The following FBXW7 variants were observed in gnomAD, a reference collection of about 807,000 sequenced individuals.
The protein encoded by FBXW7 is F-box and WD repeat domain containing 7, also known as F-box/WD repeat-containing protein 7.
In FBXW7, 11 loss-of-function variants were observed where a neutral mutation model predicts 86.3. That is an observed-to-expected ratio of 0.13 (90% confidence interval 0.08 to 0.21). The LOEUF (loss-of-function observed/expected upper bound fraction) is 0.21, where lower values mean the gene tolerates loss of function less well. FBXW7 is among the 10% of genes least tolerant of loss of function. The pLI, the probability that FBXW7 is intolerant of heterozygous loss-of-function variation, is 1.00. For missense variants in FBXW7, 488 were observed against 847.4 expected, an observed-to-expected ratio of 0.58 and a Z score of 5.27; for synonymous variants, 313 against 297.9, an observed-to-expected ratio of 1.05 and a Z score of -0.52.
At chr4:152,355,651 T>C (rs940118414) in intron 4 of FBXW7, among the ~76,000 whole-genome samples, 17 of 152,142 alleles carry the variant, frequency 1.1e-4, no homozygotes, top group Admixed American at 1.0e-3. Flanking sequence ...GAAGCATTAT[T>C]GAAATTCCAT....
chr4:152,367,125 G>A (rs367769848), intron 4 of FBXW7, among the ~76,000 whole-genome samples: 11 of 152,094 alleles, frequency 7.2e-5, no homozygotes, highest in African/African-American at 1.4e-4. Flanking sequence ...GGGGCCTGTC[G>A]TGGGGTTGAG....
intron 2 of FBXW7, among the ~76,000 whole-genome samples, chr4:152,471,148 G>A (rs1027717567): frequency 7.3e-5 from 11 of 151,140 alleles, no homozygotes; most frequent in African/African-American, 2.7e-4. Context: ...ATCAAAATCA[G>A]TAAAATGAAT....
At chr4:152,531,948 A>G (rs1232365386) in intron 2 of FBXW7, among the ~76,000 whole-genome samples, 1 of 152,184 alleles carries the variant, frequency 6.6e-6, no homozygotes, top group Admixed American at 6.5e-5. Context: ...GCCATGTTTA[A>G]AGCCTGCTCA....
chr4:152,382,565 T>C (rs1349815507), intron 4 of FBXW7: 1 of 994,658 alleles, frequency 1.0e-6, no homozygotes, highest in African/African-American at 1.7e-5. Context: ...TATAAACTAC[T>C]GAAGTGAAAG....
intron 4 of FBXW7, among the ~76,000 whole-genome samples, chr4:152,401,197 G>A (rs528588877): frequency 2.0e-5 from 3 of 152,136 alleles, no homozygotes; most frequent in African/African-American, 4.8e-5. Flanking sequence ...TGGCATTTAC[G>A]CAAAGGAGTT....
chr4:152,485,992 A>G (rs1470025640), intron 2 of FBXW7, among the ~76,000 whole-genome samples: 2 of 152,230 alleles, frequency 1.3e-5, no homozygotes, highest in Non-Finnish European at 2.9e-5. Flanking sequence ...TACACGGTAT[A>G]GCCCATTGCT....
chr4:152,336,531 A>C (rs1192618551), intron 7 of FBXW7, among the ~76,000 whole-genome samples: 4 of 152,096 alleles, frequency 2.6e-5, no homozygotes, highest in African/African-American at 4.8e-5. Context: ...AATATATCAA[A>C]GGTGAATAAA....
intron 2 of FBXW7, among the ~76,000 whole-genome samples, chr4:152,500,851 C>A (rs1746878550): frequency 6.6e-6 from 1 of 152,180 alleles, no homozygotes; most frequent in South Asian, 2.1e-4. Context: ...AATTGCAATT[C>A]TGTTTCCTCA....
At chr4:152,450,406 T>G (rs1741805931) in intron 2 of FBXW7, among the ~76,000 whole-genome samples, 1 of 152,204 alleles carries the variant, frequency 6.6e-6, no homozygotes, top group African/African-American at 2.4e-5. Flanking sequence ...GCACATTATG[T>G]AGAATCTGAA....
chr4:152,434,394 A>G (rs1247428445), intron 2 of FBXW7, among the ~76,000 whole-genome samples: 1 of 152,234 alleles, frequency 6.6e-6, no homozygotes, highest in Non-Finnish European at 1.5e-5. Context: ...TTGGAAAGTG[A>G]GACGTGCAAT....
At chr4:152,480,669 T>A (rs963166479) in intron 2 of FBXW7, among the ~76,000 whole-genome samples, 1 of 152,146 alleles carries the variant, frequency 6.6e-6, no homozygotes, top group Non-Finnish European at 1.5e-5. Flanking sequence ...AGTGAACACA[T>A]GAATAATAGG....
intron 4 of FBXW7, among the ~76,000 whole-genome samples, chr4:152,400,208 G>C (rs1471008717): frequency 1.3e-5 from 2 of 152,080 alleles, no homozygotes; most frequent in Non-Finnish European, 1.5e-5. Context: ...TTCCGCAAAT[G>C]GTGCTGAACC....
intron 4 of FBXW7, among the ~76,000 whole-genome samples, chr4:152,406,031 C>A (rs919993076): frequency 2.6e-5 from 4 of 152,200 alleles, no homozygotes; most frequent in Non-Finnish European, 5.9e-5. Flanking sequence ...CAATATTCAT[C>A]ATGATCTATT....
intron 2 of FBXW7, among the ~76,000 whole-genome samples, chr4:152,497,037 C>T (rs1053652557): frequency 1.3e-5 from 2 of 151,970 alleles, no homozygotes; most frequent in East Asian, 1.9e-4. Flanking sequence ...AAAACCGACA[C>T]GAAGGCCGGG....
chr4:152,411,960 A>C, intron 3 of FBXW7, 88 bp from the exon 4 acceptor site: 1 of 1,237,690 alleles, frequency 8.1e-7, no homozygotes, highest in Non-Finnish European at 1.1e-6. Context: ...TCTAAATATC[A>C]TTAATGATTG....
At chr4:152,342,562 A>ATTAG (rs144558927) in intron 6 of FBXW7, among the ~76,000 whole-genome samples, 2,086 of 152,304 alleles carry the variant, frequency 0.014, 26 homozygotes, top group Middle Eastern at 0.037. Flanking sequence ...TTAGTGTCTC[A>ATTAG]ATTAGATAGA....
chr4:152,405,016 T>C (rs1398069250), intron 4 of FBXW7, among the ~76,000 whole-genome samples: 3 of 142,706 alleles, frequency 2.1e-5, no homozygotes, highest in African/African-American at 7.8e-5. Context: ...TGCTTAAGCC[T>C]GGGAGGTGGA....
chr4:152,324,495 G>C (rs1728828558), intron 12 of FBXW7, 101 bp from the exon 13 acceptor site: 1 of 921,274 alleles, frequency 1.1e-6, no homozygotes, highest in Middle Eastern at 3.2e-4. Flanking sequence ...TGGGAAACAG[G>C]TAATGCCAGG....
At chr4:152,349,930 A>C (rs1456432350) in intron 5 of FBXW7, 112 bp downstream of exon 5, 4 of 482,202 alleles carry the variant, frequency 8.3e-6, no homozygotes, top group Non-Finnish European at 1.4e-5. Flanking sequence ...AAATGTGTTA[A>C]ACAGTCAACC....
Sources: allele counts gnomAD v4.1 joint callset (sites outside exome capture counted in the v4.1 genomes callset), GRCh38; gene constraint gnomAD v4.1.1; transcripts MANE v1.5; gene names NCBI Gene and HGNC (gene_info 2026-07-23, HGNC 2026-07-21).